Variants in ASIC2 observed in about 807,000 individuals in gnomAD.
The protein encoded by ASIC2 is acid-sensing ion channel 2.
In ASIC2, 25 loss-of-function variants were observed where a neutral mutation model predicts 57.3. The observed-to-expected ratio is 0.44, with a 90% CI of 0.32 to 0.61. The LOEUF (loss-of-function observed/expected upper bound fraction) is 0.61, where lower values mean the gene tolerates loss of function less well. Among genes scored for constraint, ASIC2 ranks in the 20% least tolerant of loss-of-function variants. ASIC2 has a pLI of 0.06. For synonymous variants in ASIC2, 319 were observed against 307.5 expected, an observed-to-expected ratio of 1.04 and a Z score of -0.39; for missense variants, 641 against 738.1, an observed-to-expected ratio of 0.87 and a Z score of 1.52.
In ASIC2 at chr17:33,131,062, G is replaced by A. The variant is rs1457181492; in HGVS notation, c.709-18995C>T. Among the ~76,000 whole-genome samples, 2 of 152,288 alleles carry A rather than the reference G, an allele frequency of 1.3e-5. 1 individual carries two copies. Among genetic ancestry groups the A allele is most frequent in the Middle Eastern group, 6.8e-3 (2 of 294 alleles). ...AGGGTTGTTGGAGAATTAAATGAAT[G>A]TGGGCACCTGGCATAGAGCCTACTA... On this transcript the variant is annotated intron_variant, in intron 1 of 9. Coordinates refer to ENST00000225823, the MANE Select transcript of ASIC2 (RefSeq NM_183377.2).
chr17:34,040,121 C>A (rs1398104034), intron 1 of ASIC2, among the ~76,000 whole-genome samples: 1 of 112,028 alleles, frequency 8.9e-6, no homozygotes, highest in African/African-American at 5.0e-5. Context: ...GCGCCCGACG[C>A]GGCCCCGGGC....
chr17:33,189,216 G>T (rs1418117204), intron 1 of ASIC2, among the ~76,000 whole-genome samples: 9 of 152,026 alleles, frequency 5.9e-5, no homozygotes, highest in Non-Finnish European at 1.3e-4. Flanking sequence ...ATACACAAGA[G>T]AACCCCCCAC....
At chr17:33,647,082 T>A (rs572245590) in intron 1 of ASIC2, among the ~76,000 whole-genome samples, 1 of 152,254 alleles carries the variant, frequency 6.6e-6, no homozygotes, top group East Asian at 1.9e-4. Context: ...AGCCCTGTAC[T>A]GTTGTTTGGC....
intron 1 of ASIC2, among the ~76,000 whole-genome samples, chr17:33,319,521 T>C (rs1906785794): frequency 1.3e-5 from 2 of 152,216 alleles, no homozygotes; most frequent in South Asian, 4.1e-4. Flanking sequence ...TTTTTATGGG[T>C]ACATAATAGA....
chr17:33,688,486 G>A (rs74904705), intron 1 of ASIC2, among the ~76,000 whole-genome samples: 1 of 152,150 alleles, frequency 6.6e-6, no homozygotes, highest in Non-Finnish European at 1.5e-5. Flanking sequence ...GAGCAGGAGG[G>A]AACAGGCTGC....
intron 1 of ASIC2, among the ~76,000 whole-genome samples, chr17:33,612,571 C>T (rs148226619): frequency 7.4e-4 from 112 of 152,276 alleles, no homozygotes; most frequent in Non-Finnish European, 1.2e-3. Flanking sequence ...CTCTACAGTT[C>T]CCAGCCTCCC....
intron 1 of ASIC2, among the ~76,000 whole-genome samples, chr17:33,375,983 T>C (rs1338493195): frequency 6.6e-6 from 1 of 152,170 alleles, no homozygotes; most frequent in Non-Finnish European, 1.5e-5. Flanking sequence ...GTTAGACATC[T>C]GAATGGAGAC....
At chr17:33,777,236 T>C (rs1911310051) in intron 1 of ASIC2, among the ~76,000 whole-genome samples, 1 of 152,182 alleles carries the variant, frequency 6.6e-6, no homozygotes, top group African/African-American at 2.4e-5. Context: ...CTCTGGGCTT[T>C]TGCCTGCATC....
intron 1 of ASIC2, among the ~76,000 whole-genome samples, chr17:33,269,691 C>T (rs1904394260): frequency 2.9e-5 from 2 of 69,208 alleles, no homozygotes; most frequent in African/African-American, 9.8e-5. Flanking sequence ...TCCCTCCTGC[C>T]TGCCTGCCTG....
intron 1 of ASIC2, among the ~76,000 whole-genome samples, chr17:33,635,323 C>T (rs981403273): frequency 1.3e-5 from 2 of 152,206 alleles, no homozygotes; most frequent in African/African-American, 4.8e-5. Context: ...TTTCATTTAA[C>T]ACTACAGTCA....
intron 1 of ASIC2, among the ~76,000 whole-genome samples, chr17:33,763,114 C>T (rs1434805559): frequency 6.6e-6 from 1 of 152,148 alleles, no homozygotes; most frequent in Non-Finnish European, 1.5e-5. Context: ...TCCCCTCAAC[C>T]ATGCTGCCCC....
At chr17:33,200,727 C>T (rs974593339) in intron 1 of ASIC2, among the ~76,000 whole-genome samples, 5 of 152,174 alleles carry the variant, frequency 3.3e-5, no homozygotes, top group Non-Finnish European at 5.9e-5. Flanking sequence ...CTGTTTGCTT[C>T]CACCCTTGCC....
At position 33,966,166 on chromosome 17, in the gene ASIC2, G is replaced by A. The variant is rs138305141; in HGVS notation, c.555+189812C>T. Among the ~76,000 whole-genome samples the A allele has an allele frequency of 2.4e-3, 364 of 152,300 alleles. 4 individuals are homozygous for A. The highest frequency in any genetic ancestry group is 8.1e-3 in the African/African-American group (336 of 41,554). On this transcript the variant is annotated intron_variant, in intron 1 of 9. Coordinates refer to the ASIC2 transcript ENST00000359872. Reference sequence around the variant, plus strand: ...CTGGTCTCCATCTGAGTACCTGTGCGGATGGTATTGTTAGCAGGTATACAG... The same window carrying A: ...CTGGTCTCCATCTGAGTACCTGTGCAGATGGTATTGTTAGCAGGTATACAG...
chr17:33,295,777 G>A (rs921778084), upstream of ASIC2, among the ~76,000 whole-genome samples: 3 of 152,214 alleles, frequency 2.0e-5, no homozygotes, highest in South Asian at 6.2e-4. Flanking sequence ...GCCAGGTACA[G>A]AACTAGGCAC....
intron 1 of ASIC2, among the ~76,000 whole-genome samples, chr17:34,104,306 T>C (rs1265871519): frequency 6.6e-6 from 1 of 152,166 alleles, no homozygotes; most frequent in Non-Finnish European, 1.5e-5. Context: ...TCTGAGATAT[T>C]GTTAAGTTTA....
chr17:33,816,333 T>C (rs1459181568), intron 1 of ASIC2, among the ~76,000 whole-genome samples: 1 of 152,108 alleles, frequency 6.6e-6, no homozygotes, highest in African/African-American at 2.4e-5. Context: ...AATAAAAGTC[T>C]AAAAGCATGA....
At chr17:34,155,963 AAACCAAGT>A in intron 1 of ASIC2, 1 of 1,588,538 alleles carries the variant, frequency 6.3e-7, no homozygotes, top group Non-Finnish European at 8.6e-7. Flanking sequence ...AGTGAGCTGA[AAACCAAGT>A]ACTCACTGTG....
intron 1 of ASIC2, among the ~76,000 whole-genome samples, chr17:33,519,022 A>G (rs964419226): frequency 6.2e-5 from 6 of 96,260 alleles, no homozygotes; most frequent in East Asian, 3.8e-4. Flanking sequence ...GGGTTTCACC[A>G]TGTTGGCCAG....
At chr17:33,557,517 C>T (rs1915943246) in intron 1 of ASIC2, among the ~76,000 whole-genome samples, 1 of 152,112 alleles carries the variant, frequency 6.6e-6, no homozygotes, top group Admixed American at 6.5e-5. Flanking sequence ...TAATTGCAAG[C>T]ATCTCAACAG....
Sources: allele counts gnomAD v4.1 joint callset (sites outside exome capture counted in the v4.1 genomes callset), GRCh38; gene constraint gnomAD v4.1.1; transcripts MANE v1.5; gene names NCBI Gene and HGNC (gene_info 2026-07-23, HGNC 2026-07-21).